Variants in TAFA2 observed in about 807,000 individuals in gnomAD.
TAFA2 encodes the protein TAFA chemokine like family member 2.
A neutral mutation model predicts 18.8 loss-of-function variants in TAFA2; 7 were observed. That is an observed-to-expected ratio of 0.37 (90% CI 0.21 to 0.70). TAFA2 has a LOEUF of 0.70. Ranked by LOEUF, TAFA2 falls within the 30% of genes least tolerant of loss-of-function variation. The pLI, the probability that TAFA2 is intolerant of heterozygous loss-of-function variation, is 0.53. For missense variants in TAFA2, 122 were observed against 158.1 expected (o/e 0.77, Z 1.23); for synonymous variants, 60 against 54.2 (o/e 1.11, Z -0.47).
chr12:61,994,700 T>G (rs948620746), intron 1 of TAFA2, among the ~76,000 whole-genome samples: 1 of 152,178 alleles, frequency 6.6e-6, no homozygotes, highest in African/African-American at 2.4e-5. Context: ...CTCATTTTTT[T>G]ATATTCTAGT....
intron 2 of TAFA2, among the ~76,000 whole-genome samples, chr12:61,767,118 GTTATA>G (rs1386973681): frequency 2.0e-5 from 3 of 152,180 alleles, no homozygotes. Flanking sequence ...TGTTTATATT[GTTATA>G]TTATAGAAGA....
intron 1 of TAFA2, among the ~76,000 whole-genome samples, chr12:61,916,489 T>C (rs1013208288): frequency 2.0e-5 from 3 of 152,196 alleles, no homozygotes; most frequent in Non-Finnish European, 4.4e-5. Context: ...GTTAATGTTT[T>C]TACTCTCCAT....
chr12:61,759,820 G>A (rs1869450333), intron 2 of TAFA2, among the ~76,000 whole-genome samples: 1 of 152,004 alleles, frequency 6.6e-6, no homozygotes, highest in South Asian at 2.1e-4. Flanking sequence ...GAGGGGTTCT[G>A]AGAAACTATT....
chr12:62,021,472 T>A, intron 1 of TAFA2: 3 of 393,328 alleles, frequency 7.6e-6, no homozygotes, highest in African/African-American at 4.0e-5. Flanking sequence ...CACTGCATCA[T>A]TCTTTTTTTT....
chr12:62,253,346 T>G (rs528312367), intron 1 of TAFA2: 3 of 152,348 alleles, frequency 2.0e-5, no homozygotes, highest in East Asian at 1.9e-4. Flanking sequence ...GACTTCCTAG[T>G]CCTAAACTTT....
intron 4 of TAFA2, 147 bp from the exon 5 acceptor site, chr12:61,710,564 C>T: frequency 4.8e-6 from 3 of 621,262 alleles, no homozygotes; most frequent in Non-Finnish European, 8.5e-6. Flanking sequence ...CTAACAGATG[C>T]AGGTATTTCC....
chr12:62,128,479 A>T (rs1285130738), intron 1 of TAFA2, among the ~76,000 whole-genome samples: 1 of 152,040 alleles, frequency 6.6e-6, no homozygotes, highest in Non-Finnish European at 1.5e-5. Context: ...AGGGCTAAAA[A>T]CAAATCCAGG....
rs74096119 is a variant in TAFA2, at chr12:61,921,351, T to C, written c.-1-53925A>G. Among the ~76,000 whole-genome samples the C allele has an allele frequency of 3.7e-3, 559 of 152,262 alleles. 5 individuals are homozygous for C. The highest frequency in any genetic ancestry group is 0.013 in the African/African-American group (543 of 41,536). Reference sequence around the variant, plus strand: ...GTGGAAGTGATGAGAAGTGTCCACTTACAGGATGTAAGGTGAGGTAGAGCA... The same window carrying C: ...GTGGAAGTGATGAGAAGTGTCCACTCACAGGATGTAAGGTGAGGTAGAGCA... On this transcript the variant is annotated intron_variant, in intron 1 of 4. Transcript: ENST00000416284.
intron 1 of TAFA2, among the ~76,000 whole-genome samples, chr12:61,889,072 A>C (rs1327751968): frequency 6.6e-6 from 1 of 152,142 alleles, no homozygotes; most frequent in Non-Finnish European, 1.5e-5. Context: ...CTCCTTCTCC[A>C]TTCATCTCCC....
chr12:61,829,607 A>G (rs1235575711), intron 2 of TAFA2, among the ~76,000 whole-genome samples: 1 of 151,770 alleles, frequency 6.6e-6, no homozygotes, highest in Non-Finnish European at 1.5e-5. Flanking sequence ...AAAGTTAAAT[A>G]TATGACAGCA....
intron 1 of TAFA2, among the ~76,000 whole-genome samples, chr12:62,233,680 T>G (rs1261991227): frequency 6.6e-6 from 1 of 152,190 alleles, no homozygotes; most frequent in East Asian, 1.9e-4. Flanking sequence ...AGGGATCTGG[T>G]GCCCTGGTAG....
chr12:62,163,731 T>G (rs1392922306), intron 1 of TAFA2, among the ~76,000 whole-genome samples: 1 of 152,138 alleles, frequency 6.6e-6, no homozygotes, highest in African/African-American at 2.4e-5. Context: ...TATTTAAATA[T>G]GGCAAATATA....
intron 2 of TAFA2, among the ~76,000 whole-genome samples, chr12:61,801,928 A>C (rs1242927612): frequency 6.6e-6 from 1 of 152,066 alleles, no homozygotes; most frequent in African/African-American, 2.4e-5. Flanking sequence ...AAAAACAAAT[A>C]AACCAACTTA....
At chr12:61,941,360 C>T (rs79881808) in intron 1 of TAFA2, among the ~76,000 whole-genome samples, 7,210 of 152,246 alleles carry the variant, frequency 0.047, 567 homozygotes, top group African/African-American at 0.16. Flanking sequence ...CATTAGCTCA[C>T]ATAACTTTAT....
At chr12:62,159,629 T>G (rs371489590) in intron 1 of TAFA2, among the ~76,000 whole-genome samples, 1 of 152,038 alleles carries the variant, frequency 6.6e-6, no homozygotes, top group Non-Finnish European at 1.5e-5. Flanking sequence ...CTATTTTGTC[T>G]TGATTGGACT....
chr12:62,119,219 TA>T (rs565061591), intron 1 of TAFA2, among the ~76,000 whole-genome samples: 6 of 152,030 alleles, frequency 3.9e-5, no homozygotes, highest in Non-Finnish European at 8.8e-5. Flanking sequence ...ACATTATTCT[TA>T]AAAAAACACT....
chr12:62,019,588 C>T (rs1030184638), intron 1 of TAFA2, among the ~76,000 whole-genome samples: 3 of 149,452 alleles, frequency 2.0e-5, no homozygotes, highest in Non-Finnish European at 4.4e-5. Context: ...CCAAACACCG[C>T]GTGTTCTCAC....
At chr12:61,882,215 C>T (rs7135210) in intron 1 of TAFA2, among the ~76,000 whole-genome samples, 112,775 of 152,082 alleles carry the variant, frequency 0.74, 42,673 homozygotes, top group African/African-American at 0.89. Flanking sequence ...TTCTACTCTA[C>T]ACTTTAGCAG....
At chr12:62,024,435 G>T (rs961034401) in intron 1 of TAFA2, among the ~76,000 whole-genome samples, 1 of 152,052 alleles carries the variant, frequency 6.6e-6, no homozygotes, top group Admixed American at 6.6e-5. Context: ...CCTGCAGATT[G>T]GTTTTGCTTT....
Sources: gnomAD v4.1 joint callset for allele counts (sites outside exome capture counted in the v4.1 genomes callset) on GRCh38, gnomAD v4.1.1 for gene constraint, MANE v1.5 for transcripts, NCBI Gene and HGNC (gene_info 2026-07-23, HGNC 2026-07-21) for gene names.